Variants in MED12L observed in about 807,000 individuals in gnomAD.
MED12L encodes the protein mediator of RNA polymerase II transcription subunit 12-like protein.
In MED12L, 60 loss-of-function variants were observed where a neutral mutation model predicts 281.3. The ratio of observed to expected loss-of-function variants is 0.21; its 90% confidence interval spans 0.17 to 0.26. The LOEUF is 0.26. Among genes scored for constraint, MED12L ranks in the 10% least tolerant of loss-of-function variants. The probability of loss-of-function intolerance (pLI) is 1.00; values close to 1 mark genes in which losing one functional copy is unlikely to be tolerated. For synonymous variants in MED12L, 974 were observed against 987.2 expected (o/e 0.99, Z 0.25); for missense variants, 2,146 against 2,680.9 (o/e 0.80, Z 4.41).
chr3:151,304,186 G>C (rs1746322511), intron 16 of MED12L, among the ~76,000 whole-genome samples: 1 of 152,162 alleles, frequency 6.6e-6, no homozygotes, highest in African/African-American at 2.4e-5. Context: ...AAAAGAACAT[G>C]CCTGTGACAG....
In MED12L at chr3:151,163,997, G is replaced by A. The variant is rs148722185; in HGVS notation, c.1212G>A (p.Pro404=). 4.3e-6 allele frequency: 7 copies of A among 1,613,626 alleles called. No homozygotes were observed. Among genetic ancestry groups the A allele is most frequent in the East Asian group, 4.5e-5 (2 of 44,862 alleles). ...CCCTGGATCTGCTGCAGGTGGCCCC[G>A]TCCAGCCTCCCCATGCCGGGTGGGA... ...GSPLDLLQVA[P]SSLPMPGGNT... is the part of the protein sequence containing the mutation. Residue 404 remains proline, a synonymous_variant, in exon 9 of 45, where the codon CCG becomes CCA. Coordinates refer to ENST00000687756, the MANE Select transcript of MED12L (RefSeq NM_001393769.1).
chr3:151,368,215 C>T lies in MED12L; in HGVS notation c.3514C>T (p.Arg1172Ter). The change falls in exon 25 of 45, where the codon CGA becomes TGA. Residue 1172 changes from arginine to a stop codon, truncating the protein, a stop_gained. Coordinates refer to ENST00000687756, the MANE Select transcript of MED12L (RefSeq NM_001393769.1). LOFTEE classifies it high-confidence loss of function. ...MTCRLLLHLF[R>*]APQACFLPQA... ...ATGCCGACTCTTGCTTCATCTCTTC[C>T]GAGCTCCCCAGGCCTGCTTCTTACC... The T allele has an allele frequency of 1.2e-6, 2 of 1,614,086 alleles. No homozygotes were observed. Among genetic ancestry groups the T allele is most frequent in the Admixed American group, 1.7e-5 (1 of 60,010 alleles).
intron 16 of MED12L, among the ~76,000 whole-genome samples, chr3:151,289,406 T>C (rs1031612279): frequency 2.6e-5 from 4 of 152,226 alleles, no homozygotes; most frequent in African/African-American, 7.2e-5. Flanking sequence ...TATTATAAGT[T>C]ATATACTGAG....
intron 20 of MED12L, 86 bp from the exon 21 acceptor site, chr3:151,360,388 A>T: frequency 8.2e-7 from 1 of 1,218,796 alleles, no homozygotes; most frequent in Non-Finnish European, 1.2e-6. Context: ...TACCCAAGTG[A>T]TACATATTTT....
rs756138463 is a variant in MED12L, at chr3:151,380,227, A to G, written c.4590+3A>G. The G allele has an allele frequency of 2.5e-5, 39 of 1,545,966 alleles. No homozygotes were observed. The highest frequency in any genetic ancestry group is 3.4e-5 in the South Asian group (3 of 87,978). ...CTCTCCAGAATCAAGTTAACCAGGT[A>G]AAGTATAGTATAATATTAAGACAGG... On this transcript the variant is annotated splice_donor_region_variant and intron_variant, in intron 32 of 44. Transcript: ENST00000687756.
At chr3:151,235,929 C>G (rs562912451) in intron 16 of MED12L, among the ~76,000 whole-genome samples, 1 of 152,054 alleles carries the variant, frequency 6.6e-6, no homozygotes, top group Admixed American at 6.5e-5. Context: ...TTTCTCTTGT[C>G]TCCCTTTGTT....
intron 16 of MED12L, among the ~76,000 whole-genome samples, chr3:151,318,881 G>A (rs1748632730): frequency 6.6e-6 from 1 of 152,170 alleles, no homozygotes; most frequent in African/African-American, 2.4e-5. Flanking sequence ...ATAAGGTGAT[G>A]TCCCTTCACT....
chr3:151,375,423 A>G (rs1275600529), intron 27 of MED12L, among the ~76,000 whole-genome samples: 1 of 152,214 alleles, frequency 6.6e-6, no homozygotes, highest in Non-Finnish European at 1.5e-5. Flanking sequence ...AAATTGGTAG[A>G]AACTCTTCAG....
chr3:151,416,229 T>A, intron 42 of MED12L, 83 bp from the exon 43 acceptor site: 2 of 1,609,310 alleles, frequency 1.2e-6, no homozygotes, highest in Middle Eastern at 2.3e-4. Context: ...AAAAATTAGA[T>A]AAAAGGTATA....
At position 151,367,874 on chromosome 3, in the gene MED12L, G is replaced by A. The variant is rs1401454278; in HGVS notation, c.3448+108G>A. On this transcript the variant is annotated intron_variant, in intron 24 of 44. Transcript: ENST00000687756. ...GAGTATTTGAGGGTATGTATATTGG[G>A]AAGTGGTGTAGTATCAAGGTAGATA... The A allele has an allele frequency of 2.3e-6, 3 of 1,280,892 alleles. No individual in the cohort carries two copies. In the African/African-American group the frequency reaches 4.5e-5, roughly 19 times the overall value. The allele number at this position is 1,280,892 out of a possible 1,614,324, so 79.3% of individuals were successfully genotyped here.
chr3:151,123,382 C>G (rs907908421), intron 4 of MED12L, among the ~76,000 whole-genome samples: 1 of 152,218 alleles, frequency 6.6e-6, no homozygotes, highest in Non-Finnish European at 1.5e-5. Context: ...CAAGCTGTCT[C>G]CTTCCTACCA....
chr3:151,131,344 T>G (rs1375081641), intron 5 of MED12L, among the ~76,000 whole-genome samples: 1 of 152,236 alleles, frequency 6.6e-6, no homozygotes, highest in Non-Finnish European at 1.5e-5. Context: ...CTCATGCCTA[T>G]AATCCCACCA....
At chr3:151,269,863 G>A in intron 16 of MED12L, 1 of 458,674 alleles carries the variant, frequency 2.2e-6, no homozygotes. Context: ...GGAAGAGGCA[G>A]CACGAAGAAC....
intron 2 of MED12L, among the ~76,000 whole-genome samples, chr3:151,089,198 T>G (rs767089820): frequency 2.0e-5 from 3 of 152,216 alleles, no homozygotes; most frequent in Non-Finnish European, 2.9e-5. Context: ...TATATAAAAT[T>G]TATATCAAAT....
chr3:151,233,266 T>C (rs1056928411), intron 16 of MED12L, among the ~76,000 whole-genome samples: 3 of 152,234 alleles, frequency 2.0e-5, no homozygotes, highest in Non-Finnish European at 4.4e-5. Flanking sequence ...TACGCTGTCT[T>C]GTCATCTCTT....
At chr3:151,150,175 G>A (rs1718262944) in intron 5 of MED12L, among the ~76,000 whole-genome samples, 1 of 152,146 alleles carries the variant, frequency 6.6e-6, no homozygotes, top group Non-Finnish European at 1.5e-5. Context: ...GGCAGCTATG[G>A]CCTAATGAAA....
intron 43 of MED12L, among the ~76,000 whole-genome samples, chr3:151,424,343 G>A (rs564601801): frequency 5.9e-5 from 9 of 152,304 alleles, no homozygotes; most frequent in South Asian, 4.1e-4. Flanking sequence ...TGACTCTGCC[G>A]GATGCAATGG....
At chr3:151,152,441 C>T (rs556096908) in intron 5 of MED12L, among the ~76,000 whole-genome samples, 5 of 152,104 alleles carry the variant, frequency 3.3e-5, no homozygotes, top group African/African-American at 4.8e-5. Context: ...TGATTGATTC[C>T]GTAAATACTT....
intron 39 of MED12L, among the ~76,000 whole-genome samples, chr3:151,398,778 T>A (rs1481786016): frequency 6.6e-6 from 1 of 152,232 alleles, no homozygotes; most frequent in African/African-American, 2.4e-5. Context: ...CAGTGATTGC[T>A]GAAACCACAG....
Sources: gnomAD v4.1 joint callset for allele counts (sites outside exome capture counted in the v4.1 genomes callset) on GRCh38, gnomAD v4.1.1 for gene constraint, MANE v1.5 for transcripts, NCBI Gene and HGNC (gene_info 2026-07-23, HGNC 2026-07-21) for gene names.